Variants in SLC16A4 observed in about 807,000 individuals in gnomAD.
SLC16A4 encodes solute carrier family 16 member 4.
In SLC16A4, 39 loss-of-function variants were observed where a neutral mutation model predicts 47.9. That is an observed-to-expected ratio of 0.81 (90% CI 0.63 to 1.06). The LOEUF is 1.06. Ranked by LOEUF, SLC16A4 falls within the 50% of genes least tolerant of loss-of-function variation. The pLI, the probability that SLC16A4 is intolerant of heterozygous loss-of-function variation, is 0.00. For missense variants in SLC16A4, 524 were observed against 573.8 expected (o/e 0.91, Z 0.89); for synonymous variants, 189 against 199.9 (o/e 0.95, Z 0.46).
intron 8 of SLC16A4, chr1:110,371,881 G>A (rs1310144365): frequency 2.6e-5 from 4 of 152,238 alleles, no homozygotes; most frequent in Non-Finnish European, 5.9e-5. Context: ...CAGAGGAGGT[G>A]TGGGGACCGG....
intron 8 of SLC16A4, among the ~76,000 whole-genome samples, chr1:110,367,470 T>C (rs1661454967): frequency 1.3e-5 from 2 of 152,134 alleles, no homozygotes. Flanking sequence ...CAGTCAGACT[T>C]TGTCCCTATT....
At chr1:110,366,513 T>C (rs1381429347) in intron 8 of SLC16A4, among the ~76,000 whole-genome samples, 1 of 152,216 alleles carries the variant, frequency 6.6e-6, no homozygotes, top group Non-Finnish European at 1.5e-5. Flanking sequence ...ACAAACCTCA[T>C]GAGGTTATGA....
At chr1:110,384,291 T>C (rs1662611104) in intron 2 of SLC16A4, among the ~76,000 whole-genome samples, 2 of 152,246 alleles carry the variant, frequency 1.3e-5, no homozygotes, top group Non-Finnish European at 2.9e-5. Context: ...ATAAATAGGT[T>C]GACCATAAAA....
chr1:110,381,290 C>CAGAAAA, intron 4 of SLC16A4, 147 bp from the exon 5 acceptor site: 1 of 666,158 alleles, frequency 1.5e-6, no homozygotes, highest in Non-Finnish European at 2.6e-6. Context: ...CATCTTCTAT[C>CAGAAAA]TTCTATGGAT....
intron 2 of SLC16A4, among the ~76,000 whole-genome samples, chr1:110,383,625 A>C (rs1287696324): frequency 6.6e-6 from 1 of 152,110 alleles, no homozygotes; most frequent in South Asian, 2.1e-4. Context: ...TAGGTTTCAC[A>C]ATAGTGATGT....
rs753738636 is a variant in SLC16A4, at chr1:110,375,557, G to C, written c.1243-6C>G. 7 of 1,552,772 alleles carry C rather than the reference G, an allele frequency of 4.5e-6. No individual in the cohort carries two copies. The Admixed American group carries it at 1.2e-4, about 26-fold the overall frequency. On this transcript the variant is annotated splice_polypyrimidine_tract_variant and splice_region_variant and intron_variant, in intron 7 of 8. Coordinates refer to ENST00000369779, the MANE Select transcript of SLC16A4 (RefSeq NM_004696.3). Reference sequence around the variant, plus strand: ...GAATTCCTACACAGATCAACCTGTAGGAATTAGAATTCAGTGTTAGCCATA... The same window carrying C: ...GAATTCCTACACAGATCAACCTGTACGAATTAGAATTCAGTGTTAGCCATA...
chr1:110,387,408 C>T (rs1313183822), intron 2 of SLC16A4, among the ~76,000 whole-genome samples: 2 of 152,176 alleles, frequency 1.3e-5, no homozygotes, highest in African/African-American at 2.4e-5. Flanking sequence ...ACTAGGAGCT[C>T]ATCTGTTATA....
intron 8 of SLC16A4, among the ~76,000 whole-genome samples, chr1:110,364,672 G>A (rs574851850): frequency 6.6e-5 from 10 of 151,862 alleles, no homozygotes; most frequent in Admixed American, 4.6e-4. Flanking sequence ...CACCACACCC[G>A]GCTAATTTTT....
chr1:110,366,835 T>C (rs1012824118), intron 8 of SLC16A4, among the ~76,000 whole-genome samples: 1 of 152,208 alleles, frequency 6.6e-6, no homozygotes, highest in African/African-American at 2.4e-5. Context: ...TCTATGTATT[T>C]CCATGCAAAA....
intron 5 of SLC16A4, among the ~76,000 whole-genome samples, chr1:110,380,058 C>CAGAAAAAAAAAAAAAAAAAAAAAAAA (rs1662277643): frequency 1.0e-5 from 1 of 96,274 alleles, no homozygotes; most frequent in South Asian, 3.8e-4. Context: ...GAGCCTGTCT[C>CAGAAAAAAAAAAAAAAAAAAAAAAAA]AAAAAAAAAA....
At chr1:110,375,426 G>A (rs780023511) in intron 8 of SLC16A4, 32 bp downstream of exon 8, 6 of 1,227,910 alleles carry the variant, frequency 4.9e-6, no homozygotes, top group Non-Finnish European at 7.2e-6. Context: ...TATTGCTATT[G>A]AAATTTGTTC....
intron 2 of SLC16A4, among the ~76,000 whole-genome samples, chr1:110,385,318 G>T (rs564021399): frequency 1.3e-5 from 2 of 152,294 alleles, no homozygotes; most frequent in South Asian, 4.1e-4. Context: ...CGGCATTGGG[G>T]ATGAAAATAT....
intron 8 of SLC16A4, chr1:110,370,439 G>A (rs1037134420): frequency 2.6e-5 from 4 of 152,166 alleles, no homozygotes; most frequent in African/African-American, 4.8e-5. Context: ...GCGAGGACCA[G>A]ATGGAATTTT....
chr1:110,381,642 AT>A lies in SLC16A4; in HGVS notation c.364+9del, dbSNP rs747195817. On this transcript the variant is annotated intron_variant, in intron 4 of 8. Transcript: ENST00000369779. ...GGCCTTCTATGGTCACATAATTACA[AT>A]GGACTCACCGGGTAGAAGTCCCATA... 1 of 1,607,598 alleles carries A rather than the reference AT, an allele frequency of 6.2e-7. No homozygotes were observed. Among genetic ancestry groups the A allele is most frequent in the East Asian group, 2.2e-5 (1 of 44,800 alleles).
At chr1:110,375,916 G>C (rs1161040121) in intron 7 of SLC16A4, among the ~76,000 whole-genome samples, 7 of 152,106 alleles carry the variant, frequency 4.6e-5, no homozygotes, top group African/African-American at 1.7e-4. Context: ...GTTTCACTCT[G>C]TCACCCAGAG....
In SLC16A4 at chr1:110,383,659, G is replaced by A. The variant is rs117863186; in HGVS notation, c.88-693C>T. 8.6e-4 allele frequency among the ~76,000 whole-genome samples: 131 copies of A among 152,092 alleles called. 1 individual carries two copies. The East Asian group carries it at 0.01, about 12-fold the overall frequency. ...GTTATCCCCCGAGCAATTTGGGGAG[G>A]GTCAGTCTTGTGGCCTCCAGCTGTA... On this transcript the variant is annotated intron_variant, in intron 2 of 8. Coordinates refer to ENST00000369779, the MANE Select transcript of SLC16A4 (RefSeq NM_004696.3).
chr1:110,381,838 C>T (rs1277421621), intron 3 of SLC16A4, 43 bp from the exon 4 acceptor site: 4 of 1,563,668 alleles, frequency 2.6e-6, no homozygotes, highest in Non-Finnish European at 3.5e-6. Flanking sequence ...AAATAATGAT[C>T]TGGCATCCCT....
chr1:110,384,268 C>T (rs776686985), intron 2 of SLC16A4, among the ~76,000 whole-genome samples: 53 of 152,280 alleles, frequency 3.5e-4, no homozygotes, highest in Middle Eastern at 3.4e-3. Flanking sequence ...GAGTACCTTC[C>T]TTCACTAGAT....
chr1:110,381,909 G>T (rs570666563), intron 3 of SLC16A4, 114 bp from the exon 4 acceptor site: 1,041 of 949,714 alleles, frequency 1.1e-3, no homozygotes, highest in Non-Finnish European at 1.5e-3. Flanking sequence ...TTACTTTGAA[G>T]TATTACGTAT....
Sources: allele counts gnomAD v4.1 joint callset (sites outside exome capture counted in the v4.1 genomes callset), GRCh38; gene constraint gnomAD v4.1.1; transcripts MANE v1.5; gene names NCBI Gene and HGNC (gene_info 2026-07-23, HGNC 2026-07-21).